NMT1: variants seen among roughly 807,000 people sequenced by gnomAD.
NMT1 encodes N-myristoyltransferase 1.
NMT1 carries 12 observed loss-of-function variants against 63.4 expected under a neutral mutation model. The observed-to-expected ratio is 0.19, with a 90% CI of 0.12 to 0.31. The LOEUF is 0.31. Among genes scored for constraint, NMT1 ranks in the 10% least tolerant of loss-of-function variants. The pLI is 1.00. For missense variants in NMT1, 432 were observed against 634.6 expected, an observed-to-expected ratio of 0.68 and a Z score of 3.43; for synonymous variants, 228 against 234.3, an observed-to-expected ratio of 0.97 and a Z score of 0.25.
chr17:45,097,313 A>G, intron 6 of NMT1, 69 bp downstream of exon 6: 2 of 1,212,606 alleles, frequency 1.6e-6, no homozygotes, highest in South Asian at 1.2e-5. Flanking sequence ...GAGAGTAGAA[A>G]AAGGCTGCAC....
At chr17:45,084,555 G>A (rs534511332) in intron 2 of NMT1, among the ~76,000 whole-genome samples, 4 of 151,586 alleles carry the variant, frequency 2.6e-5, no homozygotes, top group Admixed American at 1.3e-4. Flanking sequence ...GGATGGTCTC[G>A]ATCTCCTGAC....
At chr17:45,099,652 T>C (rs1290508227) in intron 8 of NMT1, 139 bp downstream of exon 8, 24 of 626,798 alleles carry the variant, frequency 3.8e-5, no homozygotes, top group Non-Finnish European at 6.1e-5. Context: ...TCTTCAGATT[T>C]CCTGGACTTT....
Position 45,105,727 on chromosome 17 carries a change from C to A in NMT1, c.*88C>A. 5.2e-6 allele frequency: 7 copies of A among 1,335,682 alleles called. No homozygotes were observed. The highest frequency in any genetic ancestry group is 1.2e-5 in the South Asian group (1 of 83,166). 82.7% of individuals were successfully genotyped at this position (1,335,682 alleles called of 1,614,324 possible). A position where few individuals can be genotyped will look rare whatever the true frequency, so the allele number is the denominator to read the frequency against. On this transcript the variant is annotated 3_prime_UTR_variant, in exon 12 of 12. Coordinates refer to ENST00000258960, the MANE Select transcript of NMT1 (RefSeq NM_021079.5). This position sits in a 1 kb window ranked among gnomAD's most constrained non-coding sequence, Gnocchi z 4.2. ...CCACTGTTGGTCCAATTTTCACACACGTGAGAATCCCTGGCAAAGGGAGCA... is the reference window on the plus strand; with the variant it reads ...CCACTGTTGGTCCAATTTTCACACAAGTGAGAATCCCTGGCAAAGGGAGCA...
chr17:45,098,431 C>T lies in NMT1; in HGVS notation c.763C>T (p.Arg255Cys). 1 of 1,614,112 alleles carries T rather than the reference C, an allele frequency of 6.2e-7. No homozygotes were observed. The highest frequency in any genetic ancestry group is 8.5e-7 in the Non-Finnish European group (1 of 1,179,982). ...INFLCVHKKL[R>C]SKRVAPVLIR... ...CTTCCTGTGTGTCCACAAGAAGCTG[C>T]GTTCCAAGAGGGTTGCTCCAGTTCT... Residue 255 changes from arginine to cysteine, a missense_variant, in exon 7 of 12, where the codon CGT (arginine) becomes TGT (cysteine). Physicochemically the swap from Arg to Cys is radical, Grantham distance 180. This residue lies in a region of NMT1 where 295 missense variants were observed against 489.7 expected (regional missense o/e 0.60). Coordinates refer to ENST00000258960, the MANE Select transcript of NMT1 (RefSeq NM_021079.5).
rs754537204 is a variant in NMT1, at chr17:45,105,414, G to C, written c.1471-205G>C. 1.3e-5 allele frequency among the ~76,000 whole-genome samples: 2 copies of C among 152,160 alleles called. No individual in the cohort carries two copies. The highest frequency in any genetic ancestry group is 6.5e-5 in the Admixed American group (1 of 15,286). On this transcript the variant is annotated intron_variant, in intron 11 of 11. Coordinates refer to ENST00000258960, the MANE Select transcript of NMT1 (RefSeq NM_021079.5). This position sits in a 1 kb window ranked among gnomAD's most constrained non-coding sequence, Gnocchi z 4.2. ...AGGGGACATAGGGGTGAGCTGGAGC[G>C]TGGGCCAGTTTTCCCTGGGAGGTCT...
At position 45,106,939 on chromosome 17, in the gene NMT1, A is replaced by C. The variant is rs1230903280; in HGVS notation, c.*1300A>C. ...CCTCTGGTCACATGGCTGTCGATGT[A>C]GGCATTCTGGAGTGGTGTTCAGCCA... On this transcript the variant is annotated 3_prime_UTR_variant, in exon 12 of 12. Transcript: ENST00000258960. 6.6e-6 allele frequency: 1 copy of C among 152,304 alleles called. No homozygotes were observed. Among genetic ancestry groups the C allele is most frequent in the African/African-American group, 2.4e-5 (1 of 41,448 alleles). 9.4% of individuals were successfully genotyped at this position (152,304 alleles called of 1,614,324 possible).
rs1328158733 is a variant in NMT1 at position 45,107,888 on chromosome 17, C to T, written c.*2249C>T. 1 of 152,346 alleles carries T rather than the reference C, an allele frequency of 6.6e-6. No individual in the cohort carries two copies. The highest frequency in any genetic ancestry group is 1.5e-5 in the Non-Finnish European group (1 of 68,124). The allele number at this position is 152,346 out of a possible 1,614,324, so 9.4% of individuals were successfully genotyped here. On this transcript the variant is annotated 3_prime_UTR_variant, in exon 12 of 12. Transcript: ENST00000258960. ...GAAACCAGGTGGCCGGCTCCTCGGA[C>T]TCTGCTTTATGTTGCGGTGAGAACT...
At chr17:45,089,741 C>G (rs1325945648) in intron 3 of NMT1, among the ~76,000 whole-genome samples, 1 of 152,092 alleles carries the variant, frequency 6.6e-6, no homozygotes, top group African/African-American at 2.4e-5. Context: ...TGGGCTCAAG[C>G]AATCCTCCCA....
At chr17:45,102,055 A>G (rs2054169843) in intron 8 of NMT1, among the ~76,000 whole-genome samples, 1 of 152,222 alleles carries the variant, frequency 6.6e-6, no homozygotes, top group South Asian at 2.1e-4. Flanking sequence ...TTGAGGTATC[A>G]TTGTGGGAGC....
chr17:45,088,321 G>A (rs532914771), intron 3 of NMT1, among the ~76,000 whole-genome samples: 1 of 152,378 alleles, frequency 6.6e-6, no homozygotes, highest in South Asian at 2.1e-4. Flanking sequence ...TCCCTGATGA[G>A]GTGTTGTGTG....
chr17:45,087,225 G>C (rs910359899), intron 3 of NMT1, among the ~76,000 whole-genome samples: 55 of 151,996 alleles, frequency 3.6e-4, no homozygotes, highest in African/African-American at 1.3e-3. Context: ...CACATGAAGA[G>C]TGGGAATGTC....
chr17:45,066,968 C>T (rs771744583), intron 1 of NMT1, among the ~76,000 whole-genome samples: 5 of 152,150 alleles, frequency 3.3e-5, no homozygotes, highest in African/African-American at 4.8e-5. Context: ...GATGCTGCCA[C>T]CTTGGCCTCC....
intron 7 of NMT1, 52 bp downstream of exon 7, chr17:45,098,604 T>G: frequency 6.5e-7 from 1 of 1,534,910 alleles, no homozygotes; most frequent in Non-Finnish European, 9.0e-7. Context: ...TGCACTGTAG[T>G]TGAGGAGCAT....
chr17:45,061,328 A>G lies in NMT1; in HGVS notation c.-2A>G. ...CGCGGAGCCCTGCTCTCGCAACTCAAGATGGCGGACGAGAGTGAGACAGCA... is the reference window on the plus strand; with the variant it reads ...CGCGGAGCCCTGCTCTCGCAACTCAGGATGGCGGACGAGAGTGAGACAGCA... On this transcript the variant is annotated 5_prime_UTR_variant, in exon 1 of 12. Transcript: ENST00000258960. The G allele has an allele frequency of 6.2e-7, 1 of 1,613,332 alleles. No individual in the cohort carries two copies. The highest frequency in any genetic ancestry group is 8.5e-7 in the Non-Finnish European group (1 of 1,179,702).
At chr17:45,084,381 C>G (rs1364345898) in intron 2 of NMT1, among the ~76,000 whole-genome samples, 1 of 143,512 alleles carries the variant, frequency 7.0e-6, no homozygotes, top group African/African-American at 2.6e-5. Flanking sequence ...GTCGCCCAGG[C>G]TAGAGTGCAG....
chr17:45,090,990 G>A (rs892071363), intron 3 of NMT1, among the ~76,000 whole-genome samples: 1 of 152,088 alleles, frequency 6.6e-6, no homozygotes, highest in Non-Finnish European at 1.5e-5. Context: ...GACAGCACAG[G>A]AGCCTTGGGC....
chr17:45,105,919 G>T lies in NMT1; in HGVS notation c.*280G>T, dbSNP rs369699233. 1 of 372,510 alleles carries T rather than the reference G, an allele frequency of 2.7e-6. No homozygotes were observed. The highest frequency in any genetic ancestry group is 4.8e-6 in the Non-Finnish European group (1 of 208,390). The allele number at this position is 372,510 out of a possible 1,614,324, so 23.1% of individuals were successfully genotyped here. A position where few individuals can be genotyped will look rare whatever the true frequency, so the allele number is the denominator to read the frequency against. On this transcript the variant is annotated 3_prime_UTR_variant, in exon 12 of 12. Transcript: ENST00000258960. This position sits in a 1 kb window ranked among gnomAD's most constrained non-coding sequence, Gnocchi z 4.2. ...GAATGTAACTGCTGAAAACTAGCTC[G>T]TGATTGGCATATAATGGAGTTAACG...
intron 2 of NMT1, among the ~76,000 whole-genome samples, chr17:45,086,124 C>CTT (rs758394346): frequency 2.5e-4 from 29 of 117,504 alleles, no homozygotes; most frequent in African/African-American, 4.4e-4. Flanking sequence ...GCCCAGCACT[C>CTT]TTTTTTTTTT....
At chr17:45,073,806 T>C (rs2053958479) in intron 1 of NMT1, among the ~76,000 whole-genome samples, 1 of 152,202 alleles carries the variant, frequency 6.6e-6, no homozygotes, top group African/African-American at 2.4e-5. Context: ...TGATAACCAA[T>C]TTGCCTCACA....
Sources: allele counts gnomAD v4.1 joint callset (sites outside exome capture counted in the v4.1 genomes callset), GRCh38; gene constraint gnomAD v4.1.1; regional missense constraint gnomAD v4.1.1; non-coding constraint Gnocchi (gnomAD v3.1); transcripts MANE v1.5; gene names NCBI Gene and HGNC (gene_info 2026-07-23, HGNC 2026-07-21).